The following ERP44 variants were observed in gnomAD, a reference collection of about 807,000 sequenced individuals.
ERP44 encodes endoplasmic reticulum protein 44, also known as endoplasmic reticulum resident protein 44.
ERP44 carries 25 observed loss-of-function variants against 53.4 expected under a neutral mutation model. The observed-to-expected ratio is 0.47, with a 90% CI of 0.34 to 0.65. The LOEUF (loss-of-function observed/expected upper bound fraction) is 0.65. ERP44 is among the 30% of genes least tolerant of loss of function. The pLI, the probability that ERP44 is intolerant of heterozygous loss-of-function variation, is 0.01. For missense variants in ERP44, 338 were observed against 493.2 expected (o/e 0.69, Z 2.98); for synonymous variants, 145 against 161.2 (o/e 0.90, Z 0.76).
intron 1 of ERP44, among the ~76,000 whole-genome samples, chr9:100,076,204 A>G (rs1826353999): frequency 6.6e-6 from 1 of 152,210 alleles, no homozygotes; most frequent in Non-Finnish European, 1.5e-5. Context: ...TGACCCATCT[A>G]GCCATAAAGT....
chr9:100,023,540 C>A (rs1830618307), intron 4 of ERP44, among the ~76,000 whole-genome samples: 1 of 151,654 alleles, frequency 6.6e-6, no homozygotes, highest in Non-Finnish European at 1.5e-5. Flanking sequence ...GCAATTCTCC[C>A]ACTTCAGCCT....
At chr9:100,063,320 T>C (rs182062858) in intron 1 of ERP44, among the ~76,000 whole-genome samples, 4 of 152,252 alleles carry the variant, frequency 2.6e-5, no homozygotes, top group Admixed American at 2.0e-4. Context: ...TCTGACCCAG[T>C]AATCTCTGCT....
intron 10 of ERP44, among the ~76,000 whole-genome samples, chr9:99,991,110 G>T (rs1418052727): frequency 6.6e-6 from 1 of 152,158 alleles, no homozygotes; most frequent in African/African-American, 2.4e-5. Context: ...AGATCAATGA[G>T]ATACAAGGTT....
intron 8 of ERP44, among the ~76,000 whole-genome samples, chr9:100,015,696 C>A (rs10819717): frequency 0.67 from 102,621 of 152,102 alleles, 35,793 homozygotes; most frequent in East Asian, 0.91. Flanking sequence ...AGCAGTCCCC[C>A]ACCTTTTTGG....
Position 100,031,955 on chromosome 9 carries a change from T to G in ERP44, c.287-9729A>C, listed in dbSNP as rs138074418. Among the ~76,000 whole-genome samples, 263 of 152,268 alleles carry G rather than the reference T, an allele frequency of 1.7e-3. 3 individuals are homozygous for G. The highest frequency in any genetic ancestry group is 0.015 in the Admixed American group (232 of 15,282). On this transcript the variant is annotated intron_variant, in intron 4 of 11. Transcript: ENST00000262455. ...TACTTTGAATTATGAGAGAACTACT[T>G]AAGAAATGTATTTTTGGGCATGCTT...
intron 10 of ERP44, among the ~76,000 whole-genome samples, chr9:99,997,460 C>T (rs1007080799): frequency 6.6e-6 from 1 of 151,994 alleles, no homozygotes; most frequent in Non-Finnish European, 1.5e-5. Context: ...GCCAAAAATA[C>T]ATTAACATTT....
intron 1 of ERP44, among the ~76,000 whole-genome samples, chr9:100,084,884 C>G (rs2118753148): frequency 6.6e-6 from 1 of 152,138 alleles, no homozygotes; most frequent in East Asian, 1.9e-4. Context: ...AGGGGTATTC[C>G]CCAAATAAAG....
intron 4 of ERP44, among the ~76,000 whole-genome samples, chr9:100,037,982 T>TAACATCCCACTATTATTATAGTGGCAAA (rs1825861508): frequency 6.6e-6 from 1 of 152,084 alleles, no homozygotes; most frequent in Non-Finnish European, 1.5e-5. Context: ...AATAGTGGGA[T>TAACATCCCACTATTATTATAGTGGCAAA]AACATCCCAC....
chr9:100,018,766 C>G (rs1189724931), intron 6 of ERP44, among the ~76,000 whole-genome samples: 1 of 152,114 alleles, frequency 6.6e-6, no homozygotes, highest in African/African-American at 2.4e-5. Flanking sequence ...TTGTAGAGTA[C>G]TACAACAAAT....
chr9:100,028,754 TAG>T (rs893094836), intron 4 of ERP44, among the ~76,000 whole-genome samples: 1 of 152,118 alleles, frequency 6.6e-6, no homozygotes, highest in Non-Finnish European at 1.5e-5. Flanking sequence ...AAGAAATTCC[TAG>T]AGAGAGTAGA....
Position 100,052,542 on chromosome 9 carries a change from G to C in ERP44, c.171-10C>G. ...CTGACTGAAACGACACCTATACACA[G>C]AGAAGGATGCCAATTAGAAATGAAA... is the stretch of plus-strand genomic sequence containing the variant. On this transcript the variant is annotated splice_polypyrimidine_tract_variant and intron_variant, in intron 3 of 11. Transcript: ENST00000262455. 6.8e-7 allele frequency: 1 copy of C among 1,468,682 alleles called. No individual in the cohort carries two copies. The highest frequency in any genetic ancestry group is 9.4e-7 in the Non-Finnish European group (1 of 1,065,746). 91.0% of individuals were successfully genotyped at this position (1,468,682 alleles called of 1,614,324 possible). A position where few individuals can be genotyped will look rare whatever the true frequency, so the allele number is the denominator to read the frequency against.
intron 1 of ERP44, among the ~76,000 whole-genome samples, chr9:100,092,884 A>G (rs1443986688): frequency 1.3e-5 from 2 of 152,230 alleles, no homozygotes; most frequent in Non-Finnish European, 2.9e-5. Flanking sequence ...GCATAGTCAC[A>G]CACTGTTAGG....
intron 1 of ERP44, among the ~76,000 whole-genome samples, chr9:100,084,616 A>T (rs1196908803): frequency 6.6e-6 from 1 of 152,196 alleles, no homozygotes; most frequent in Non-Finnish European, 1.5e-5. Context: ...TAAACTAAAA[A>T]CCATTTAAAC....
intron 4 of ERP44, among the ~76,000 whole-genome samples, chr9:100,028,397 C>T (rs10988948): frequency 0.16 from 23,911 of 152,120 alleles, 2,614 homozygotes; most frequent in African/African-American, 0.31. Context: ...TAATGAATTA[C>T]GCTCCTGAAT....
chr9:100,052,300 A>AT (rs1231448029), intron 4 of ERP44, 117 bp downstream of exon 4: 4 of 470,624 alleles, frequency 8.5e-6, no homozygotes, highest in African/African-American at 7.3e-5. Context: ...AAAGCAGAGC[A>AT]TTTAAAAAAA....
chr9:100,017,602 T>C (rs1302434371), intron 7 of ERP44, among the ~76,000 whole-genome samples: 1 of 152,214 alleles, frequency 6.6e-6, no homozygotes, highest in Non-Finnish European at 1.5e-5. Flanking sequence ...AAAATCTCAG[T>C]GTCAAAACAC....
chr9:100,082,753 A>AG (rs1250465431), intron 1 of ERP44, among the ~76,000 whole-genome samples: 1 of 80,372 alleles, frequency 1.2e-5, no homozygotes, highest in Non-Finnish European at 2.2e-5. Context: ...GGCCTACTGT[A>AG]GGAAAAAAAA....
chr9:100,098,793 A>C lies in ERP44; in HGVS notation c.48T>G (p.Leu16=), dbSNP rs1444210047. 1 of 1,613,702 alleles carries C rather than the reference A, an allele frequency of 6.2e-7. No individual in the cohort carries two copies. The highest frequency in any genetic ancestry group is 8.5e-7 in the Non-Finnish European group (1 of 1,179,692). The stretch of plus-strand genomic sequence containing the variant: ...TCATTCCCTCACTCACCAGGAGCAG[A>C]AGGGAGCATCTGAGGTCGGGTAAGG... ...FLSLPDLRCS[L]LLLVTWVFTP... The change falls in exon 1 of 12, where the codon CTT becomes CTG. Residue 16 remains leucine (L), a synonymous_variant. Coordinates refer to ENST00000262455, the MANE Select transcript of ERP44 (RefSeq NM_015051.3).
intron 1 of ERP44, among the ~76,000 whole-genome samples, chr9:100,087,012 TAA>T (rs56304002): frequency 8.6e-6 from 1 of 116,454 alleles, no homozygotes; most frequent in African/African-American, 4.5e-5. Context: ...ATTTTATAAA[TAA>T]AAAAAAAAAC....
Sources: gnomAD v4.1 joint callset for allele counts (sites outside exome capture counted in the v4.1 genomes callset) on GRCh38, gnomAD v4.1.1 for gene constraint, MANE v1.5 for transcripts, NCBI Gene and HGNC (gene_info 2026-07-23, HGNC 2026-07-21) for gene names.